LYPLAL1: variants seen among roughly 807,000 people sequenced by gnomAD.
LYPLAL1 encodes lysophospholipase like 1.
Under a neutral mutation model 19.7 loss-of-function variants are expected in LYPLAL1, and 23 were observed. That is an observed-to-expected ratio of 1.17 (90% CI 0.84 to 1.65). The LOEUF is 1.65. LYPLAL1 is among the 40% of genes most tolerant of loss of function. The pLI is 0.00. For missense variants in LYPLAL1, 355 were observed against 279.4 expected (o/e 1.27, Z -1.93); for synonymous variants, 119 against 96.3 (o/e 1.24, Z -1.38).
chr1:219,291,950 C>T, the LYPLAL1 span, among the ~76,000 whole-genome samples: 1 of 151,518 alleles, frequency 6.6e-6, no homozygotes, highest in Non-Finnish European at 1.5e-5. Flanking sequence ...GGATTGATTA[C>T]AGTTTAATGC....
intron 1 of LYPLAL1, among the ~76,000 whole-genome samples, chr1:219,175,262 A>G (rs1655719729): frequency 6.6e-6 from 1 of 152,082 alleles, no homozygotes; most frequent in South Asian, 2.1e-4. Context: ...TTGAACTAGG[A>G]TATATTGTTT....
chr1:219,278,710 C>CAAAAT, the LYPLAL1 span, among the ~76,000 whole-genome samples: 1 of 89,656 alleles, frequency 1.1e-5, no homozygotes, highest in Non-Finnish European at 2.5e-5. Context: ...AACAACAAAA[C>CAAAAT]GTTTCATGGA....
At chr1:219,264,511 T>C in the LYPLAL1 span, among the ~76,000 whole-genome samples, 3 of 152,232 alleles carry the variant, frequency 2.0e-5, no homozygotes, top group South Asian at 6.2e-4. Context: ...GACTTCATCC[T>C]CTCATGATGG....
At chr1:219,383,195 TA>T in the LYPLAL1 span, among the ~76,000 whole-genome samples, 2 of 152,226 alleles carry the variant, frequency 1.3e-5, no homozygotes, top group Non-Finnish European at 2.9e-5. Flanking sequence ...TCATTCCCAC[TA>T]AAGCATATTC....
At chr1:219,398,277 TCTGA>T in the LYPLAL1 span, among the ~76,000 whole-genome samples, 1 of 152,268 alleles carries the variant, frequency 6.6e-6, no homozygotes, top group Non-Finnish European at 1.5e-5. Context: ...TCTATTCTTG[TCTGA>T]CTGTCATATT....
chr1:219,238,986 A>C, the LYPLAL1 span, among the ~76,000 whole-genome samples: 1 of 152,216 alleles, frequency 6.6e-6, no homozygotes, highest in East Asian at 1.9e-4. Flanking sequence ...GAAGGTGTTC[A>C]AAGATGTGTG....
intron 3 of LYPLAL1, among the ~76,000 whole-genome samples, chr1:219,195,870 G>A (rs1169914049): frequency 1.3e-5 from 2 of 152,002 alleles, no homozygotes; most frequent in East Asian, 1.9e-4. Context: ...AGGCCCCAGT[G>A]TGTGTTATTT....
Position 219,211,603 on chromosome 1 carries a change from C to G in LYPLAL1, c.589C>G (p.Leu197Val), listed in dbSNP as rs34201999. 2.9e-3 allele frequency: 4,655 copies of G among 1,613,382 alleles called. 112 individuals carry two copies. The African/African-American group carries it at 0.054, about 19-fold the overall frequency. ...AGAGACAAACTCAATGTTAAAATCTCTAGGAGTGACCACGAAGTTTCATAG... is the reference window on the plus strand; with the variant it reads ...AGAGACAAACTCAATGTTAAAATCTGTAGGAGTGACCACGAAGTTTCATAG... ...AEETNSMLKSLGVTTKFHSFP... is the reference protein window; with the variant it reads ...AEETNSMLKSVGVTTKFHSFP... The change falls in exon 5 of 5, where the codon CTA (leucine) becomes GTA (valine). Residue 197 changes from leucine to valine, a missense_variant. By Grantham distance (32) the Leu-to-Val change is conservative. Coordinates refer to ENST00000366928, the MANE Select transcript of LYPLAL1 (RefSeq NM_138794.5).
chr1:219,424,136 A>G, the LYPLAL1 span, among the ~76,000 whole-genome samples: 1 of 151,786 alleles, frequency 6.6e-6, no homozygotes, highest in Non-Finnish European at 1.5e-5. Context: ...TTGCATAGAG[A>G]AAAAAGTTCA....
At chr1:219,200,258 C>A in intron 3 of LYPLAL1, 1 of 234,808 alleles carries the variant, frequency 4.3e-6, no homozygotes, top group East Asian at 9.6e-5. Flanking sequence ...CTCTATGACC[C>A]CATGTATTCT....
chr1:219,432,586 C>A, the LYPLAL1 span, among the ~76,000 whole-genome samples: 1 of 151,982 alleles, frequency 6.6e-6, no homozygotes, highest in Admixed American at 6.6e-5. Flanking sequence ...ATCTCCTTTG[C>A]CTAAATAAGT....
chr1:219,195,769 T>C (rs920235851), intron 3 of LYPLAL1, among the ~76,000 whole-genome samples: 2 of 152,166 alleles, frequency 1.3e-5, no homozygotes, highest in African/African-American at 4.8e-5. Context: ...TCATGGTGTT[T>C]TGCTATACCT....
At chr1:219,281,618 C>T in the LYPLAL1 span, among the ~76,000 whole-genome samples, 6 of 152,078 alleles carry the variant, frequency 3.9e-5, no homozygotes, top group Admixed American at 2.6e-4. Context: ...CACACACACA[C>T]AGCAGGTGAG....
At chr1:219,306,534 A>G in the LYPLAL1 span, among the ~76,000 whole-genome samples, 1 of 152,150 alleles carries the variant, frequency 6.6e-6, no homozygotes. Flanking sequence ...AACATGGGAC[A>G]TAAGTTTTTT....
the LYPLAL1 span, among the ~76,000 whole-genome samples, chr1:219,255,515 T>G: frequency 6.6e-6 from 1 of 151,924 alleles, no homozygotes; most frequent in Non-Finnish European, 1.5e-5. Flanking sequence ...TCATTTGGGT[T>G]TTCTATGTTT....
At chr1:219,430,369 T>G in the LYPLAL1 span, among the ~76,000 whole-genome samples, 1 of 151,742 alleles carries the variant, frequency 6.6e-6, no homozygotes, top group African/African-American at 2.4e-5. Flanking sequence ...TATGTGATGC[T>G]TTGAGAGGTT....
At chr1:219,334,526 GGTGT>G in the LYPLAL1 span, among the ~76,000 whole-genome samples, 1,003 of 147,044 alleles carry the variant, frequency 6.8e-3, 8 homozygotes, top group African/African-American at 0.02. Context: ...AATGAAGAGG[GGTGT>G]GTGTGTGTGT....
the LYPLAL1 span, among the ~76,000 whole-genome samples, chr1:219,288,344 T>A: frequency 6.6e-6 from 1 of 152,156 alleles, no homozygotes; most frequent in Admixed American, 6.5e-5. Context: ...AGTGCATATT[T>A]TACTAAGTGA....
downstream of LYPLAL1, among the ~76,000 whole-genome samples, chr1:219,215,126 A>G (rs969486694): frequency 6.6e-6 from 1 of 152,100 alleles, no homozygotes; most frequent in Non-Finnish European, 1.5e-5. Flanking sequence ...TTGTGACTGA[A>G]GTACATTCTT....
Sources: allele counts gnomAD v4.1 joint callset (sites outside exome capture counted in the v4.1 genomes callset), GRCh38; gene constraint gnomAD v4.1.1; transcripts MANE v1.5; gene names NCBI Gene and HGNC (gene_info 2026-07-23, HGNC 2026-07-21).